C7: variants seen among roughly 807,000 people sequenced by gnomAD.
C7 encodes the protein complement component C7.
A neutral mutation model predicts 104.8 loss-of-function variants in C7; 83 were observed. The ratio of observed to expected loss-of-function variants is 0.79; its 90% CI spans 0.66 to 0.95. C7 has a LOEUF of 0.95. C7 is among the 40% of genes least tolerant of loss of function. The pLI is 0.00. For synonymous variants in C7, 415 were observed against 360.6 expected, an observed-to-expected ratio of 1.15 and a Z score of -1.71; for missense variants, 1,070 against 1,011.2, an observed-to-expected ratio of 1.06 and a Z score of -0.79.
intron 14 of C7, among the ~76,000 whole-genome samples, chr5:40,966,216 G>A (rs1178812382): frequency 3.3e-5 from 5 of 151,912 alleles, no homozygotes; most frequent in Admixed American, 2.0e-4. Context: ...CGTCACTCAG[G>A]CAGTACACAC....
chr5:40,920,068 A>T (rs946731805), intron 1 of C7, among the ~76,000 whole-genome samples: 3 of 152,142 alleles, frequency 2.0e-5, no homozygotes, highest in African/African-American at 7.2e-5. Context: ...GAAAAGATGA[A>T]CAAATTTGAC....
intron 16 of C7, 65 bp downstream of exon 16, chr5:40,976,905 T>C (rs1452582627): frequency 1.6e-6 from 2 of 1,254,120 alleles, no homozygotes; most frequent in Non-Finnish European, 2.2e-6. Flanking sequence ...ATTTCTTAGA[T>C]AATAGTGTCT....
intron 1 of C7, among the ~76,000 whole-genome samples, chr5:40,922,690 G>C (rs1329580769): frequency 1.1e-5 from 1 of 91,314 alleles, no homozygotes; most frequent in African/African-American, 4.5e-5. Flanking sequence ...GACAGAGTGA[G>C]ACTGTCAAAA....
chr5:40,918,000 T>C (rs557052191), intron 1 of C7, among the ~76,000 whole-genome samples: 2 of 152,334 alleles, frequency 1.3e-5, no homozygotes, highest in South Asian at 2.1e-4. Context: ...TGAAATAAGC[T>C]GTTGTGATTA....
chr5:40,913,538 A>G (rs1371308977), intron 1 of C7, among the ~76,000 whole-genome samples: 1 of 152,092 alleles, frequency 6.6e-6, no homozygotes, highest in Non-Finnish European at 1.5e-5. Flanking sequence ...TCTGTTATCC[A>G]GGCTGGAGAG....
At chr5:40,961,914 T>G (rs921783994) in intron 12 of C7, among the ~76,000 whole-genome samples, 171 bp from the exon 13 acceptor site, 2 of 152,220 alleles carry the variant, frequency 1.3e-5, no homozygotes, top group African/African-American at 2.4e-5. Flanking sequence ...GTTTGAGTTT[T>G]CTACCACAGG....
chr5:40,961,937 A>G (rs2111675186), intron 12 of C7, 148 bp from the exon 13 acceptor site: 1 of 409,842 alleles, frequency 2.4e-6, no homozygotes, highest in East Asian at 3.6e-5. Context: ...GTAAGCAGAT[A>G]TTTGGTTCTA....
intron 4 of C7, among the ~76,000 whole-genome samples, chr5:40,935,662 C>G (rs1206254985): frequency 6.6e-6 from 1 of 151,376 alleles, no homozygotes; most frequent in Admixed American, 6.6e-5. Flanking sequence ...TCTGGTATGA[C>G]TAGGGTATAA....
intron 1 of C7, among the ~76,000 whole-genome samples, chr5:40,917,223 A>G (rs111694233): frequency 0.047 from 7,083 of 152,032 alleles, 570 homozygotes; most frequent in African/African-American, 0.16. Context: ...TATTCCTTCT[A>G]TGTAACTGAA....
chr5:40,937,718 C>G (rs750867273), intron 6 of C7, 28 bp downstream of exon 6: 2 of 1,519,770 alleles, frequency 1.3e-6, no homozygotes, highest in Non-Finnish European at 8.9e-7. Context: ...GATTTCCAAT[C>G]TGGAATTGTC....
At chr5:40,918,910 T>C (rs916069198) in intron 1 of C7, among the ~76,000 whole-genome samples, 3 of 149,978 alleles carry the variant, frequency 2.0e-5, no homozygotes, top group African/African-American at 5.0e-5. Flanking sequence ...TAAGAAAACA[T>C]TGGATTTGAA....
chr5:40,946,171 A>G (rs1579855371), intron 7 of C7, among the ~76,000 whole-genome samples: 1 of 152,136 alleles, frequency 6.6e-6, no homozygotes, highest in East Asian at 1.9e-4. Context: ...ACACTTTATT[A>G]CTTTTGAGAT....
At chr5:40,926,252 G>T (rs1202653327) in intron 1 of C7, among the ~76,000 whole-genome samples, 4 of 152,122 alleles carry the variant, frequency 2.6e-5, no homozygotes, top group Non-Finnish European at 5.9e-5. Flanking sequence ...CAGAAGAAAA[G>T]TAACTTGACA....
chr5:40,932,630 T>C (rs981612895), intron 3 of C7, among the ~76,000 whole-genome samples: 1 of 152,212 alleles, frequency 6.6e-6, no homozygotes, highest in South Asian at 2.1e-4. Context: ...ATTTGGCTTC[T>C]AGCAAGTATA....
Position 40,976,845 on chromosome 5 carries a change from G to A in C7, c.2165+5G>A, listed in dbSNP as rs184255084. ...TAAAATGCCCTACGAATGTGGGTAA[G>A]TGCCGCCTTTGCTCATTTCTCTGTT... On this transcript the variant is annotated splice_donor_5th_base_variant and intron_variant, in intron 16 of 17. Transcript: ENST00000313164. 4 of 1,591,056 alleles carry A rather than the reference G, an allele frequency of 2.5e-6. No individual in the cohort carries two copies. In the Admixed American group the frequency reaches 7.0e-5, roughly 28 times the overall value.
At chr5:40,952,229 G>A (rs1441531160) in intron 9 of C7, among the ~76,000 whole-genome samples, 1 of 152,210 alleles carries the variant, frequency 6.6e-6, no homozygotes. Flanking sequence ...TATGTGTTAA[G>A]TATTATTCAT....
intron 8 of C7, among the ~76,000 whole-genome samples, chr5:40,949,372 A>C (rs969124112): frequency 6.6e-6 from 1 of 151,492 alleles, no homozygotes; most frequent in Non-Finnish European, 1.5e-5. Flanking sequence ...AAAAAAAAAA[A>C]ACACAAAAAA....
At chr5:40,965,627 G>GATATATAT (rs376480588) in intron 14 of C7, among the ~76,000 whole-genome samples, 8 of 123,048 alleles carry the variant, frequency 6.5e-5, no homozygotes, top group African/African-American at 2.2e-4. Context: ...AGTGTATAGT[G>GATATATAT]ATATATATAT....
At chr5:40,976,658 C>T (rs12656220) in intron 15 of C7, 92 bp from the exon 16 acceptor site, 4 of 782,394 alleles carry the variant, frequency 5.1e-6, no homozygotes, top group Admixed American at 5.0e-5. Context: ...TTGGAGAATA[C>T]TACAGACCCT....
Sources: allele counts gnomAD v4.1 joint callset (sites outside exome capture counted in the v4.1 genomes callset), GRCh38; gene constraint gnomAD v4.1.1; transcripts MANE v1.5; gene names NCBI Gene and HGNC (gene_info 2026-07-23, HGNC 2026-07-21).